PLSCR4: variants seen among roughly 807,000 people sequenced by gnomAD.
PLSCR4 encodes the protein phospholipid scramblase 4, also known as Ca(2+)-dependent phospholipid scramblase 4.
A neutral mutation model predicts 36.3 loss-of-function variants in PLSCR4; 25 were observed. The ratio of observed to expected loss-of-function variants is 0.69; its 90% CI spans 0.50 to 0.96. PLSCR4 has a LOEUF of 0.96. Among genes scored for constraint, PLSCR4 ranks in the 40% least tolerant of loss-of-function variants. The pLI, the probability that PLSCR4 is intolerant of heterozygous loss-of-function variation, is 0.00. For synonymous variants in PLSCR4, 122 were observed against 132.9 expected, an observed-to-expected ratio of 0.92 and a Z score of 0.56; for missense variants, 408 against 414.7, an observed-to-expected ratio of 0.98 and a Z score of 0.14.
At chr3:146,222,237 T>C (rs1181402134) in intron 1 of PLSCR4, 145 bp from the exon 2 acceptor site, 24 of 376,862 alleles carry the variant, frequency 6.4e-5, no homozygotes, top group South Asian at 6.5e-5. Context: ...AAAATACTTA[T>C]TGAGCACCTA....
intron 1 of PLSCR4, among the ~76,000 whole-genome samples, chr3:146,242,330 T>C (rs1036752324): frequency 6.6e-6 from 1 of 152,194 alleles, no homozygotes; most frequent in Non-Finnish European, 1.5e-5. Flanking sequence ...AAGTCAGATC[T>C]TGAAGCAAAC....
rs565097206 is a variant in PLSCR4, at chr3:146,202,679, GTTCTT to G, written c.355-1607_355-1603del. The stretch of plus-strand genomic sequence containing the variant: ...GAAAGATTTCCTTGTAGCACATGAT[GTTCTT>G]TTTAGTACTTTACCACAGTAGAACT... On this transcript the variant is annotated intron_variant, in intron 4 of 8. Transcript: ENST00000354952. 4.6e-5 allele frequency among the ~76,000 whole-genome samples: 7 copies of G among 152,130 alleles called. No individual in the cohort carries two copies. In the South Asian group the frequency reaches 1.5e-3, roughly 32 times the overall value.
intron 3 of PLSCR4, among the ~76,000 whole-genome samples, chr3:146,208,278 C>T (rs138901946): frequency 2.6e-5 from 4 of 152,046 alleles, no homozygotes; most frequent in Non-Finnish European, 4.4e-5. Context: ...TAAAAATCAA[C>T]GCAAGATGGA....
At chr3:146,215,811 G>T (rs1333183432) in intron 3 of PLSCR4, among the ~76,000 whole-genome samples, 1 of 152,180 alleles carries the variant, frequency 6.6e-6, no homozygotes, top group African/African-American at 2.4e-5. Context: ...ATGGTGTTAT[G>T]TCTCCCTAAG....
chr3:146,195,460 G>A (rs1022281326), intron 7 of PLSCR4, among the ~76,000 whole-genome samples, 178 bp from the exon 8 acceptor site: 1 of 152,162 alleles, frequency 6.6e-6, no homozygotes, highest in African/African-American at 2.4e-5. Context: ...GTTAATAACT[G>A]AGCTAGGGTA....
chr3:146,218,939 A>G (rs9876833), intron 3 of PLSCR4, among the ~76,000 whole-genome samples: 55,258 of 152,068 alleles, frequency 0.36, 10,127 homozygotes, highest in African/African-American at 0.41. Context: ...GTGGGAACAC[A>G]TATCCAACAC....
intron 3 of PLSCR4, among the ~76,000 whole-genome samples, chr3:146,208,324 A>G (rs1276896522): frequency 1.3e-5 from 2 of 152,158 alleles, no homozygotes; most frequent in East Asian, 3.9e-4. Flanking sequence ...AACTATAAAA[A>G]TTCTAGAAGA....
At chr3:146,216,829 C>T (rs2034914700) in intron 3 of PLSCR4, among the ~76,000 whole-genome samples, 1 of 152,158 alleles carries the variant, frequency 6.6e-6, no homozygotes. Context: ...AAGTTCTACC[C>T]TTTCACCTCC....
intron 1 of PLSCR4, among the ~76,000 whole-genome samples, chr3:146,234,680 T>C (rs1336305055): frequency 3.3e-5 from 5 of 151,874 alleles, no homozygotes; most frequent in African/African-American, 9.7e-5. Context: ...ACCCAGAAAA[T>C]GGGTAAGTAG....
At chr3:146,247,399 A>T (rs986374161) in intron 1 of PLSCR4, among the ~76,000 whole-genome samples, 3 of 151,168 alleles carry the variant, frequency 2.0e-5, no homozygotes, top group Admixed American at 6.6e-5. Flanking sequence ...TGATATATAA[A>T]AAAAAAAAAT....
intron 1 of PLSCR4, among the ~76,000 whole-genome samples, chr3:146,233,990 C>T (rs945792656): frequency 1.4e-5 from 2 of 147,366 alleles, no homozygotes; most frequent in Non-Finnish European, 3.0e-5. Context: ...AGAGAAATTA[C>T]CCATGAACTA....
intron 3 of PLSCR4, among the ~76,000 whole-genome samples, chr3:146,213,201 A>G (rs2034713642): frequency 6.6e-6 from 1 of 152,044 alleles, no homozygotes; most frequent in African/African-American, 2.4e-5. Context: ...TGTAACATCT[A>G]TGTCAGATTT....
At chr3:146,216,770 C>T (rs1038479936) in intron 3 of PLSCR4, among the ~76,000 whole-genome samples, 1 of 152,136 alleles carries the variant, frequency 6.6e-6, no homozygotes, top group Non-Finnish European at 1.5e-5. Flanking sequence ...GGGCTTTGGG[C>T]CTATACACTG....
intron 7 of PLSCR4, among the ~76,000 whole-genome samples, chr3:146,195,975 T>C (rs928332068): frequency 4.6e-5 from 7 of 152,322 alleles, no homozygotes; most frequent in African/African-American, 7.2e-5. Context: ...ATGATGAATC[T>C]TGCCTAATTG....
rs2033958704 is a variant in PLSCR4 at position 146,199,952 on chromosome 3, T to A, written c.485A>T (p.Asp162Val). Residue 162 changes from aspartate to valine, a missense_variant, in exon 6 of 9, where the codon GAC becomes GTC. Transcript: ENST00000354952. ...MVYIVTEDTD[D>V]FTRNAYRTLR... ...TGTCCGATAGGCATTCCTGGTAAAG[T>A]CATCTGTGTCTTCGGTTACAATGTA... is the stretch of plus-strand genomic sequence containing the variant. The A allele has an allele frequency of 1.2e-6, 2 of 1,613,298 alleles. No individual in the cohort carries two copies. Among genetic ancestry groups the A allele is most frequent in the African/African-American group, 1.3e-5 (1 of 74,900 alleles).
chr3:146,202,672 A>G (rs2034110680), intron 4 of PLSCR4, among the ~76,000 whole-genome samples: 1 of 152,014 alleles, frequency 6.6e-6, no homozygotes, highest in African/African-American at 2.4e-5. Context: ...TCCTTGTAGC[A>G]CATGATGTTC....
chr3:146,225,615 A>G (rs2035427676), intron 1 of PLSCR4, among the ~76,000 whole-genome samples: 1 of 152,208 alleles, frequency 6.6e-6, no homozygotes, highest in Non-Finnish European at 1.5e-5. Flanking sequence ...AATCGAGCAC[A>G]GCACCGGTGG....
At chr3:146,238,720 T>A (rs2107842746) in intron 1 of PLSCR4, among the ~76,000 whole-genome samples, 1 of 152,250 alleles carries the variant, frequency 6.6e-6, no homozygotes, top group South Asian at 2.1e-4. Flanking sequence ...TGCTTTCCCT[T>A]AAGACCAAAA....
At chr3:146,195,533 T>G (rs1212084418) in intron 7 of PLSCR4, among the ~76,000 whole-genome samples, 3 of 152,194 alleles carry the variant, frequency 2.0e-5, no homozygotes, top group Non-Finnish European at 2.9e-5. Flanking sequence ...AGGGACCTTT[T>G]AAGAAGAGGT....
Sources: allele counts gnomAD v4.1 joint callset (sites outside exome capture counted in the v4.1 genomes callset), GRCh38; gene constraint gnomAD v4.1.1; transcripts MANE v1.5; gene names NCBI Gene and HGNC (gene_info 2026-07-23, HGNC 2026-07-21).